Variants in SMARCC1 observed in about 807,000 individuals in gnomAD.
SMARCC1 encodes the protein SWI/SNF complex subunit SMARCC1.
A neutral mutation model predicts 147.4 loss-of-function variants in SMARCC1; 43 were observed. The observed-to-expected ratio is 0.29, with a 90% CI of 0.23 to 0.38. The LOEUF (loss-of-function observed/expected upper bound fraction) is 0.38. SMARCC1 is among the 10% of genes least tolerant of loss of function. SMARCC1 has a pLI of 1.00. For missense variants in SMARCC1, 1,119 were observed against 1,381.1 expected (o/e 0.81, Z 3.01); for synonymous variants, 495 against 484.4 (o/e 1.02, Z -0.29).
At chr3:47,730,667 A>C (rs1488989247) in intron 5 of SMARCC1, among the ~76,000 whole-genome samples, 1 of 152,064 alleles carries the variant, frequency 6.6e-6, no homozygotes, top group Non-Finnish European at 1.5e-5. Context: ...GAAGTTCGAG[A>C]CCAGCCTAGC....
chr3:47,622,550 CAT>C (rs1189007743), intron 24 of SMARCC1, among the ~76,000 whole-genome samples: 1 of 152,122 alleles, frequency 6.6e-6, no homozygotes, highest in African/African-American at 2.4e-5. Context: ...GGAAATGCCT[CAT>C]GTGGTAAACT....
intron 21 of SMARCC1, among the ~76,000 whole-genome samples, chr3:47,659,117 C>CA (rs35464509): frequency 0.63 from 60,975 of 96,626 alleles, 18,178 homozygotes; most frequent in East Asian, 0.7. Flanking sequence ...GACTCTGTCT[C>CA]AAAAAAAAAA....
Position 47,625,580 on chromosome 3 carries a change from TG to T in SMARCC1, c.2647-3240del, listed in dbSNP as rs1157587735. Among the ~76,000 whole-genome samples the T allele has an allele frequency of 2.6e-5, 4 of 152,110 alleles. No individual in the cohort carries two copies. In the East Asian group the frequency reaches 7.7e-4, roughly 29 times the overall value. ...TACTTCCATAATAAAAGTTTAAAGG[TG>T]GGTTGGGGTAGGTCAACAAATGGAG... is the stretch of plus-strand genomic sequence containing the variant. On this transcript the variant is annotated intron_variant, in intron 24 of 27. Coordinates refer to ENST00000254480, the MANE Select transcript of SMARCC1 (RefSeq NM_003074.4).
chr3:47,593,251 A>G (rs2032215406), intron 26 of SMARCC1, among the ~76,000 whole-genome samples: 1 of 151,502 alleles, frequency 6.6e-6, no homozygotes, highest in Non-Finnish European at 1.5e-5. Context: ...GGCTCACTGC[A>G]ACCTCCGCCT....
At chr3:47,711,315 C>T (rs2034082862) in intron 8 of SMARCC1, among the ~76,000 whole-genome samples, 1 of 152,074 alleles carries the variant, frequency 6.6e-6, no homozygotes, top group Admixed American at 6.6e-5. Context: ...TGGCCACCTC[C>T]CTTGTTTAAT....
chr3:47,617,276 G>A (rs1379254588), intron 25 of SMARCC1, among the ~76,000 whole-genome samples: 1 of 152,254 alleles, frequency 6.6e-6, no homozygotes, highest in Admixed American at 6.5e-5. Context: ...TAACAAAGAA[G>A]TGGCTTATGC....
rs560761785 is a variant in SMARCC1 at position 47,723,551 on chromosome 3, C to T, written c.647-2816G>A. 1.8e-4 allele frequency among the ~76,000 whole-genome samples: 27 copies of T among 151,980 alleles called. 1 individual carries two copies. Among genetic ancestry groups the T allele is most frequent in the South Asian group, 1.2e-3 (6 of 4,818 alleles). ...AAAGGAGGCCAGGCACAGTGGCTCA[C>T]ACCTGTAACCCCAGCACTTTGGGAG... On this transcript the variant is annotated intron_variant, in intron 6 of 27. Transcript: ENST00000254480.
intron 1 of SMARCC1, among the ~76,000 whole-genome samples, chr3:47,773,659 C>T (rs969846394): frequency 6.6e-6 from 1 of 151,730 alleles, no homozygotes. Flanking sequence ...GAGACAGAGT[C>T]TTGTTTTTCA....
chr3:47,768,556 A>G (rs532778753), intron 2 of SMARCC1, among the ~76,000 whole-genome samples: 4 of 152,312 alleles, frequency 2.6e-5, no homozygotes, highest in Admixed American at 6.5e-5. Flanking sequence ...TACTTTATAT[A>G]ATGTAATCTG....
chr3:47,680,987 G>C (rs924434082), intron 14 of SMARCC1, among the ~76,000 whole-genome samples: 2 of 152,168 alleles, frequency 1.3e-5, no homozygotes, highest in African/African-American at 4.8e-5. Flanking sequence ...GTTAAGGAAA[G>C]CTTTCTCTTT....
chr3:47,701,109 A>AACT (rs1335965104), intron 11 of SMARCC1, among the ~76,000 whole-genome samples, 169 bp downstream of exon 11: 3 of 152,224 alleles, frequency 2.0e-5, no homozygotes, highest in African/African-American at 7.2e-5. Context: ...CAAAGAGTAA[A>AACT]ACTACTCAAA....
rs62262092 is a variant in SMARCC1, at chr3:47,653,050, G to A, written c.2320+8244C>T. ...CGGCTCACTGCAAGCTCCGCTTCCCGGGTTCACGCCATTCTCCTGGCCTCA... is the reference window on the plus strand; with the variant it reads ...CGGCTCACTGCAAGCTCCGCTTCCCAGGTTCACGCCATTCTCCTGGCCTCA... On this transcript the variant is annotated intron_variant, in intron 21 of 27. Coordinates refer to ENST00000254480, the MANE Select transcript of SMARCC1 (RefSeq NM_003074.4). 9.5e-5 allele frequency among the ~76,000 whole-genome samples: 14 copies of A among 147,384 alleles called. No homozygotes were observed. In the Admixed American group the frequency reaches 9.8e-4, roughly 10 times the overall value.
chr3:47,585,786 A>G lies in SMARCC1; in HGVS notation c.*2423T>C, dbSNP rs1329051063. 1 of 152,346 alleles carries G rather than the reference A, an allele frequency of 6.6e-6. No homozygotes were observed. Among genetic ancestry groups the G allele is most frequent in the East Asian group, 1.9e-4 (1 of 5,202 alleles). The allele number at this position is 152,346 out of a possible 1,614,324, so 9.4% of individuals were successfully genotyped here. ...CAGTCGGGAAGGAAGCCCGAGTCACAGAATTTTAACTGCTGATCAAACCAA... is the reference window on the plus strand; with the variant it reads ...CAGTCGGGAAGGAAGCCCGAGTCACGGAATTTTAACTGCTGATCAAACCAA... On this transcript the variant is annotated 3_prime_UTR_variant, in exon 28 of 28. Transcript: ENST00000254480.
intron 22 of SMARCC1, among the ~76,000 whole-genome samples, chr3:47,637,541 G>A (rs1457640362): frequency 2.0e-5 from 3 of 152,036 alleles, no homozygotes; most frequent in Non-Finnish European, 4.4e-5. Context: ...GTGAAACCAC[G>A]TCTCTACTAA....
chr3:47,722,308 T>TTA (rs2034242741), intron 6 of SMARCC1, among the ~76,000 whole-genome samples: 1 of 149,934 alleles, frequency 6.7e-6, no homozygotes, highest in Non-Finnish European at 1.5e-5. Context: ...TTTTTTTTTT[T>TTA]TTTTTTGAGA....
chr3:47,629,054 T>C (rs185848403), intron 24 of SMARCC1, among the ~76,000 whole-genome samples: 1 of 152,298 alleles, frequency 6.6e-6, no homozygotes, highest in East Asian at 1.9e-4. Context: ...TGGAGAACAA[T>C]TCTGCGAGTA....
chr3:47,635,956 AC>A, intron 23 of SMARCC1, 65 bp downstream of exon 23: 1 of 763,568 alleles, frequency 1.3e-6, no homozygotes, highest in Admixed American at 2.4e-5. Flanking sequence ...TATATAAACC[AC>A]CTTCATTTCT....
At chr3:47,617,812 C>G (rs1253609582) in intron 25 of SMARCC1, among the ~76,000 whole-genome samples, 1 of 152,146 alleles carries the variant, frequency 6.6e-6, no homozygotes, top group Non-Finnish European at 1.5e-5. Flanking sequence ...TTTATACATT[C>G]CCACTGAAAA....
At position 47,646,019 on chromosome 3, in the gene SMARCC1, G is replaced by C. The variant is rs147619788; in HGVS notation, c.2321-7239C>G. 2.1e-3 allele frequency among the ~76,000 whole-genome samples: 327 copies of C among 152,222 alleles called. 2 individuals carry two copies. The highest frequency in any genetic ancestry group is 7.4e-3 in the African/African-American group (308 of 41,546). Reference sequence around the variant, plus strand: ...GGCTCGGACTTTTAAGGTGATGTCTGTTAAGGATTTAATGATAGGGCCAGG... The same window carrying C: ...GGCTCGGACTTTTAAGGTGATGTCTCTTAAGGATTTAATGATAGGGCCAGG... On this transcript the variant is annotated intron_variant, in intron 21 of 27. Coordinates refer to ENST00000254480, the MANE Select transcript of SMARCC1 (RefSeq NM_003074.4).
Sources: allele counts gnomAD v4.1 joint callset (sites outside exome capture counted in the v4.1 genomes callset), GRCh38; gene constraint gnomAD v4.1.1; transcripts MANE v1.5; gene names NCBI Gene and HGNC (gene_info 2026-07-23, HGNC 2026-07-21).